The following MAGI1 variants were observed in gnomAD, a reference collection of about 807,000 sequenced individuals.
The protein encoded by MAGI1 is membrane-associated guanylate kinase, WW and PDZ domain-containing protein 1.
Under a neutral mutation model 139.9 loss-of-function variants are expected in MAGI1, and 58 were observed. The observed-to-expected ratio is 0.41, with a 90% CI of 0.34 to 0.52. The LOEUF (loss-of-function observed/expected upper bound fraction) is 0.52, where lower values mean the gene tolerates loss of function less well. Among genes scored for constraint, MAGI1 ranks in the 20% least tolerant of loss-of-function variants. The probability of loss-of-function intolerance (pLI) is 0.12; values close to 1 mark genes in which losing one functional copy is unlikely to be tolerated. For synonymous variants in MAGI1, 812 were observed against 737.9 expected (o/e 1.10, Z -1.63); for missense variants, 1,874 against 1,901.6 (o/e 0.99, Z 0.27).
rs111845914 is a variant in MAGI1, at chr3:65,849,522, C to T, written c.313+188474G>A. Among the ~76,000 whole-genome samples the T allele has an allele frequency of 3.5e-3, 525 of 148,574 alleles. 4 individuals carry two copies. The highest frequency in any genetic ancestry group is 0.012 in the African/African-American group (498 of 40,274). On this transcript the variant is annotated intron_variant, in intron 1 of 22. Transcript: ENST00000402939. ...ACATATATATATATCATCAAATATA[C>T]ATATATATCATCAAATATACATATA...
Position 65,617,082 on chromosome 3 carries a change from T to C in MAGI1, c.430+4890A>G, listed in dbSNP as rs562834131. Reference sequence around the variant, plus strand: ...ATCTTATAAAGACCAGTATCACCTATGTTTACCACATCAAATTTAAATTGC... The same window carrying C: ...ATCTTATAAAGACCAGTATCACCTACGTTTACCACATCAAATTTAAATTGC... On this transcript the variant is annotated intron_variant, in intron 2 of 22. Transcript: ENST00000402939. Among the ~76,000 whole-genome samples, 5 of 152,376 alleles carry C rather than the reference T, an allele frequency of 3.3e-5. No homozygotes were observed. In the East Asian group the frequency reaches 9.6e-4, roughly 29 times the overall value.
At chr3:65,700,605 A>G (rs1338533726) in intron 1 of MAGI1, among the ~76,000 whole-genome samples, 1 of 152,138 alleles carries the variant, frequency 6.6e-6, no homozygotes, top group East Asian at 1.9e-4. Flanking sequence ...GCTGCCCTGG[A>G]TCTACTTATA....
intron 1 of MAGI1, among the ~76,000 whole-genome samples, chr3:65,743,434 G>C (rs544476379): frequency 6.6e-6 from 1 of 152,244 alleles, no homozygotes; most frequent in Admixed American, 6.5e-5. Flanking sequence ...TAGGCCGGGC[G>C]TGGTGGCTCA....
At chr3:65,552,203 A>C (rs1025790087) in intron 2 of MAGI1, among the ~76,000 whole-genome samples, 1 of 152,044 alleles carries the variant, frequency 6.6e-6, no homozygotes, top group Non-Finnish European at 1.5e-5. Flanking sequence ...TCTGATGAAG[A>C]GGATTGGAGT....
intron 1 of MAGI1, among the ~76,000 whole-genome samples, chr3:65,936,621 T>A (rs1457412812): frequency 6.6e-6 from 1 of 151,892 alleles, no homozygotes; most frequent in Non-Finnish European, 1.5e-5. Context: ...TGTAGATATA[T>A]ATATATTATA....
chr3:65,993,472 AAC>A, intron 1 of MAGI1, among the ~76,000 whole-genome samples: 1 of 152,206 alleles, frequency 6.6e-6, no homozygotes, highest in Non-Finnish European at 1.5e-5. Context: ...CTCACAGAGA[AAC>A]ACACTTCACA....
intron 1 of MAGI1, among the ~76,000 whole-genome samples, chr3:65,814,115 G>C (rs950067358): frequency 1.3e-5 from 2 of 152,108 alleles, no homozygotes; most frequent in Non-Finnish European, 2.9e-5. Flanking sequence ...TGGCACCCCA[G>C]TATCTAGTAA....
chr3:65,906,126 T>C (rs1203804471), intron 1 of MAGI1, among the ~76,000 whole-genome samples: 1 of 152,184 alleles, frequency 6.6e-6, no homozygotes, highest in Non-Finnish European at 1.5e-5. Flanking sequence ...AATATACTGT[T>C]ACTATGAAGG....
chr3:65,740,617 C>T (rs563639889), intron 1 of MAGI1, among the ~76,000 whole-genome samples: 28 of 152,196 alleles, frequency 1.8e-4, no homozygotes, highest in East Asian at 3.9e-4. Flanking sequence ...TGGGGAGAAA[C>T]GATGGAAAAC....
chr3:66,017,104 T>C (rs577586048), intron 1 of MAGI1, among the ~76,000 whole-genome samples: 1 of 152,234 alleles, frequency 6.6e-6, no homozygotes, highest in Non-Finnish European at 1.5e-5. Context: ...CTTAATTGTA[T>C]AATTAAAATG....
At chr3:65,451,804 C>T (rs1377691317) in intron 6 of MAGI1, among the ~76,000 whole-genome samples, 2 of 152,004 alleles carry the variant, frequency 1.3e-5, no homozygotes, top group Non-Finnish European at 2.9e-5. Flanking sequence ...GCCAACACGC[C>T]TAGCTAATTT....
intron 1 of MAGI1, among the ~76,000 whole-genome samples, chr3:65,661,639 G>C (rs1264665671): frequency 7.9e-5 from 12 of 152,006 alleles, no homozygotes; most frequent in Admixed American, 5.9e-4. Flanking sequence ...TACTGTGATG[G>C]GAAGCATATG....
At chr3:65,724,396 A>G (rs1168586171) in intron 1 of MAGI1, among the ~76,000 whole-genome samples, 1 of 152,226 alleles carries the variant, frequency 6.6e-6, no homozygotes, top group Non-Finnish European at 1.5e-5. Context: ...TCACCTGAGC[A>G]TAGCCATAAC....
intron 1 of MAGI1, among the ~76,000 whole-genome samples, chr3:66,010,074 T>A: frequency 1.9e-5 from 1 of 51,538 alleles, no homozygotes; most frequent in East Asian, 7.5e-4. Context: ...ATACTCTCTG[T>A]CTCAAAAAAA....
intron 5 of MAGI1, among the ~76,000 whole-genome samples, chr3:65,464,447 T>A (rs575094554): frequency 4.5e-4 from 69 of 152,270 alleles, no homozygotes; most frequent in Non-Finnish European, 8.2e-4. Context: ...TACATTTTCA[T>A]TCAGTTCAAT....
intron 1 of MAGI1, among the ~76,000 whole-genome samples, chr3:66,007,812 G>A (rs565746856): frequency 9.9e-5 from 15 of 151,870 alleles, no homozygotes; most frequent in African/African-American, 3.6e-4. Flanking sequence ...GGGCAGAAGA[G>A]AAGGAAAGAT....
intron 3 of MAGI1, among the ~76,000 whole-genome samples, chr3:65,483,386 A>G (rs1420839119): frequency 6.6e-6 from 1 of 152,206 alleles, no homozygotes; most frequent in Non-Finnish European, 1.5e-5. Flanking sequence ...AACCTTCCAG[A>G]AAGTATTCCA....
intron 1 of MAGI1, among the ~76,000 whole-genome samples, chr3:65,843,662 C>T (rs1037652751): frequency 1.3e-5 from 2 of 152,108 alleles, no homozygotes; most frequent in Non-Finnish European, 2.9e-5. Context: ...TTTCGCTCTC[C>T]TCATCAGGTT....
At chr3:65,617,294 T>G (rs1231124748) in intron 2 of MAGI1, among the ~76,000 whole-genome samples, 1 of 152,160 alleles carries the variant, frequency 6.6e-6, no homozygotes, top group African/African-American at 2.4e-5. Context: ...AAGATGACAG[T>G]TGAGTCCAGA....
Sources: gnomAD v4.1 joint callset for allele counts (sites outside exome capture counted in the v4.1 genomes callset) on GRCh38, gnomAD v4.1.1 for gene constraint, MANE v1.5 for transcripts, NCBI Gene and HGNC (gene_info 2026-07-23, HGNC 2026-07-21) for gene names.